The following SFXN1 variants were observed in gnomAD, a reference collection of about 807,000 sequenced individuals.
SFXN1 encodes the protein sideroflexin 1.
SFXN1 carries 32 observed loss-of-function variants against 39.5 expected under a neutral mutation model. The observed-to-expected ratio is 0.81, with a 90% CI of 0.61 to 1.09. SFXN1 has a LOEUF of 1.09. SFXN1 is among the 50% of genes least tolerant of loss of function. The pLI is 0.00. For missense variants in SFXN1, 402 were observed against 407.1 expected, an observed-to-expected ratio of 0.99 and a Z score of 0.11; for synonymous variants, 136 against 146.5, an observed-to-expected ratio of 0.93 and a Z score of 0.52.
intron 6 of SFXN1, among the ~76,000 whole-genome samples, chr5:175,512,709 G>A (rs1225314859): frequency 6.6e-6 from 1 of 152,152 alleles, no homozygotes; most frequent in Non-Finnish European, 1.5e-5. Context: ...AGGGGTAACG[G>A]TAGAAGTTAT....
chr5:175,502,433 T>C (rs1319558550), intron 2 of SFXN1, among the ~76,000 whole-genome samples: 3 of 152,310 alleles, frequency 2.0e-5, no homozygotes, highest in Non-Finnish European at 2.9e-5. Flanking sequence ...AAAGGACAGC[T>C]TAAGGATTAC....
chr5:175,493,114 A>C (rs963942995), intron 2 of SFXN1, among the ~76,000 whole-genome samples: 1 of 152,064 alleles, frequency 6.6e-6, no homozygotes, highest in Non-Finnish European at 1.5e-5. Flanking sequence ...TTAGCCAGGC[A>C]TGGTGGCGGG....
chr5:175,525,493 T>C (rs1280490622), intron 10 of SFXN1, among the ~76,000 whole-genome samples: 1 of 152,242 alleles, frequency 6.6e-6, no homozygotes, highest in Non-Finnish European at 1.5e-5. Context: ...GGATTTTTTT[T>C]CCTACCTTTT....
intron 2 of SFXN1, among the ~76,000 whole-genome samples, chr5:175,496,959 G>A: frequency 6.6e-6 from 1 of 151,764 alleles, no homozygotes. Context: ...TGGCACACCA[G>A]CTCACTGTAA....
intron 1 of SFXN1, among the ~76,000 whole-genome samples, chr5:175,488,775 A>G (rs1180595553): frequency 6.6e-6 from 1 of 152,202 alleles, no homozygotes; most frequent in African/African-American, 2.4e-5. Flanking sequence ...AGATGCCTGT[A>G]GTCCTAGCTA....
chr5:175,509,737 C>CAT (rs1475045265), intron 3 of SFXN1, among the ~76,000 whole-genome samples: 1 of 152,122 alleles, frequency 6.6e-6, no homozygotes, highest in African/African-American at 2.4e-5. Flanking sequence ...TAGACATAGA[C>CAT]ATATAGCATT....
Position 175,527,132 on chromosome 5 carries a change from C to T in SFXN1, c.*398C>T, listed in dbSNP as rs1761091966. The stretch of plus-strand genomic sequence containing the variant: ...TGTTTAAAATACTGAATTTTCATCT[C>T]ACTCCCATTGCAAATCAAGGAGATC... On this transcript the variant is annotated 3_prime_UTR_variant, in exon 11 of 11. Transcript: ENST00000321442. 1 of 162,702 alleles carries T rather than the reference C, an allele frequency of 6.1e-6. No homozygotes were observed. Among genetic ancestry groups the T allele is most frequent in the African/African-American group, 2.4e-5 (1 of 41,698 alleles). 10.1% of individuals were successfully genotyped at this position (162,702 alleles called of 1,614,324 possible). A position where few individuals can be genotyped will look rare whatever the true frequency, so the allele number is the denominator to read the frequency against.
At chr5:175,493,919 A>G (rs1759757605) in intron 2 of SFXN1, among the ~76,000 whole-genome samples, 1 of 152,216 alleles carries the variant, frequency 6.6e-6, no homozygotes, top group Non-Finnish European at 1.5e-5. Context: ...CTCTAAAACC[A>G]TAAAAGCTAT....
intron 2 of SFXN1, among the ~76,000 whole-genome samples, chr5:175,501,129 C>T (rs13355502): frequency 0.17 from 24,149 of 140,724 alleles, 2,071 homozygotes; most frequent in South Asian, 0.36. Context: ...AGTGCAGTGG[C>T]GCGATCTTGG....
intron 2 of SFXN1, among the ~76,000 whole-genome samples, chr5:175,508,592 T>C (rs1259616331): frequency 6.6e-6 from 1 of 152,000 alleles, no homozygotes; most frequent in Non-Finnish European, 1.5e-5. Context: ...TTACTGACTA[T>C]ATGTAACAAA....
Position 175,492,166 on chromosome 5 carries a change from C to G in SFXN1, c.63C>G (p.Phe21Leu), listed in dbSNP as rs759191853. ...AACCTCGATGGGATCAAAGCACTTTCATTGGACGAGCCAATCATTTCTTCA... is the reference window on the plus strand; with the variant it reads ...AACCTCGATGGGATCAAAGCACTTTGATTGGACGAGCCAATCATTTCTTCA... ...IKEPRWDQST[F>L]IGRANHFFTV... Residue 21 changes from phenylalanine (F) to leucine (L), a missense_variant, in exon 2 of 11, where the codon TTC (phenylalanine) becomes TTG (leucine). Transcript: ENST00000321442. 1.2e-6 allele frequency: 2 copies of G among 1,614,072 alleles called. No individual in the cohort carries two copies. The highest frequency in any genetic ancestry group is 1.6e-4 in the Middle Eastern group (1 of 6,062).
intron 1 of SFXN1, among the ~76,000 whole-genome samples, chr5:175,487,923 C>T (rs1211840998): frequency 6.6e-6 from 1 of 152,154 alleles, no homozygotes; most frequent in Admixed American, 6.5e-5. Flanking sequence ...ATCCTGCTGG[C>T]ACCATTGAAG....
At chr5:175,517,299 T>G (rs1015336812) in intron 8 of SFXN1, among the ~76,000 whole-genome samples, 3 of 152,176 alleles carry the variant, frequency 2.0e-5, no homozygotes, top group Non-Finnish European at 4.4e-5. Context: ...AGCTGTGGTT[T>G]TTTTAGCTTT....
chr5:175,505,507 A>T (rs1279824209), intron 2 of SFXN1, among the ~76,000 whole-genome samples: 1 of 150,220 alleles, frequency 6.7e-6, no homozygotes, highest in East Asian at 1.9e-4. Flanking sequence ...ATTGCATTCC[A>T]GCCTGGGCGA....
At chr5:175,514,663 G>A (rs1205936711) in intron 7 of SFXN1, among the ~76,000 whole-genome samples, 3 of 152,194 alleles carry the variant, frequency 2.0e-5, no homozygotes, top group African/African-American at 7.2e-5. Flanking sequence ...CACTGTGACT[G>A]CTCATCAGCA....
At chr5:175,492,769 G>A (rs1045733840) in intron 2 of SFXN1, among the ~76,000 whole-genome samples, 5 of 152,176 alleles carry the variant, frequency 3.3e-5, no homozygotes, top group African/African-American at 9.7e-5. Context: ...TGGGATGCAC[G>A]CCATCAGTTG....
Position 175,513,505 on chromosome 5 carries a change from C to T in SFXN1, c.639C>T (p.Asn213=). 1.9e-6 allele frequency: 3 copies of T among 1,613,868 alleles called. No individual in the cohort carries two copies. Among genetic ancestry groups the T allele is most frequent in the Non-Finnish European group, 2.5e-6 (3 of 1,179,956 alleles). Residue 213 remains asparagine, a synonymous_variant, in exon 7 of 11, where the codon AAC becomes AAT. Transcript: ENST00000321442. ...VGIPVTDENG[N]RLGESANAAK... is the part of the protein sequence containing the mutation. ...TTCCCGTCACGGATGAGAATGGGAA[C>T]CGCTTGGGGGAGTCGGCGAACGCTG...
Position 175,522,507 on chromosome 5 carries a change from T to C in SFXN1, c.872+85T>C, listed in dbSNP as rs768371409. ...GTGCAGGTGCCATTATTCCATTTCA[T>C]TGGCAGGGAAGTTGAGACTCAAAAG... On this transcript the variant is annotated intron_variant, in intron 10 of 10. Transcript: ENST00000321442. The C allele has an allele frequency of 5.8e-6, 8 of 1,373,122 alleles. No individual in the cohort carries two copies. In the Middle Eastern group the frequency reaches 9.1e-4, roughly 157 times the overall value. The allele number at this position is 1,373,122 out of a possible 1,614,324, so 85.1% of individuals were successfully genotyped here.
chr5:175,492,974 C>G (rs757790217), intron 2 of SFXN1, among the ~76,000 whole-genome samples: 2 of 152,192 alleles, frequency 1.3e-5, no homozygotes, highest in Non-Finnish European at 2.9e-5. Context: ...GTAAAAACCG[C>G]TGGGCACGGT....
Sources: allele counts gnomAD v4.1 joint callset (sites outside exome capture counted in the v4.1 genomes callset), GRCh38; gene constraint gnomAD v4.1.1; transcripts MANE v1.5; gene names NCBI Gene and HGNC (gene_info 2026-07-23, HGNC 2026-07-21).